The following KIAA1217 variants were observed in gnomAD, a reference collection of about 807,000 sequenced individuals.
KIAA1217 encodes sickle tail protein homolog.
KIAA1217 carries 88 observed loss-of-function variants against 163.9 expected under a neutral mutation model. The observed-to-expected ratio is 0.54, with a 90% CI of 0.45 to 0.64. The LOEUF is 0.64. Ranked by LOEUF, KIAA1217 falls within the 30% of genes least tolerant of loss-of-function variation. The pLI, the probability that KIAA1217 is intolerant of heterozygous loss-of-function variation, is 0.00. For missense variants in KIAA1217, 2,372 were observed against 2,475.0 expected, an observed-to-expected ratio of 0.96 and a Z score of 0.88; for synonymous variants, 903 against 923.1, an observed-to-expected ratio of 0.98 and a Z score of 0.39.
intron 1 of KIAA1217, among the ~76,000 whole-genome samples, chr10:23,851,061 G>A (rs1445362386): frequency 6.6e-6 from 1 of 152,106 alleles, no homozygotes; most frequent in Admixed American, 6.6e-5. Flanking sequence ...TGGGCACAAT[G>A]TGCAGGTTAG....
chr10:24,084,920 T>TC, intron 2 of KIAA1217, among the ~76,000 whole-genome samples: 2 of 148,378 alleles, frequency 1.3e-5, no homozygotes, highest in African/African-American at 5.0e-5. Flanking sequence ...CTTTTTTTTT[T>TC]TTTTTTTTTT....
intron 2 of KIAA1217, among the ~76,000 whole-genome samples, chr10:24,110,600 T>TAAAA: frequency 7.1e-6 from 1 of 140,390 alleles, no homozygotes; most frequent in African/African-American, 2.5e-5. Flanking sequence ...CTGTGGGCCT[T>TAAAA]AAAAAAAAAA....
chr10:24,207,360 C>T (rs1443141246), upstream of KIAA1217, among the ~76,000 whole-genome samples: 1 of 150,384 alleles, frequency 6.6e-6, no homozygotes, highest in African/African-American at 2.4e-5. Flanking sequence ...AGCATTAATA[C>T]TTTAAAGACA....
At chr10:23,954,407 A>G (rs1268562103) in intron 1 of KIAA1217, among the ~76,000 whole-genome samples, 1 of 152,032 alleles carries the variant, frequency 6.6e-6, no homozygotes, top group Non-Finnish European at 1.5e-5. Flanking sequence ...TCTACAGAAA[A>G]ATACAAAAAT....
rs1837926204 is a variant in KIAA1217 at position 23,722,507 on chromosome 10, T to C, written c.-321+27273T>C. ...TAGTGTCTTGTTAGAGAAAAAATCC[T>C]TGCCTTTATTTTATTTGTAAATTCA... On this transcript the variant is annotated intron_variant, in intron 1 of 18. Transcript: ENST00000376462. Among the ~76,000 whole-genome samples the C allele has an allele frequency of 3.3e-5, 5 of 152,244 alleles. 2 individuals carry two copies. The highest frequency in any genetic ancestry group is 4.1e-4 in the South Asian group (2 of 4,832).
intron 1 of KIAA1217, among the ~76,000 whole-genome samples, chr10:23,733,621 TG>T (rs11326724): frequency 0.22 from 33,052 of 151,912 alleles, 3,811 homozygotes; most frequent in Middle Eastern, 0.29. Context: ...TTTGTTGTTA[TG>T]TTTTTTTTTC....
At chr10:23,944,974 G>A (rs557278879) in intron 1 of KIAA1217, among the ~76,000 whole-genome samples, 5 of 151,344 alleles carry the variant, frequency 3.3e-5, no homozygotes, top group East Asian at 3.9e-4. Context: ...CAGGAGAATC[G>A]CTGGAACCTG....
intron 2 of KIAA1217, among the ~76,000 whole-genome samples, chr10:24,057,201 C>T (rs2060560605): frequency 6.6e-6 from 1 of 152,152 alleles, no homozygotes; most frequent in African/African-American, 2.4e-5. Flanking sequence ...GAACCATGAT[C>T]TTGCCACTGC....
intron 3 of KIAA1217, among the ~76,000 whole-genome samples, chr10:24,395,443 A>G (rs1430008595): frequency 6.6e-6 from 1 of 152,098 alleles, no homozygotes; most frequent in Non-Finnish European, 1.5e-5. Flanking sequence ...CCCCAGGGAC[A>G]CTCTGGCTCC....
intron 2 of KIAA1217, among the ~76,000 whole-genome samples, chr10:24,323,536 A>G (rs2044446821): frequency 6.6e-6 from 1 of 152,152 alleles, no homozygotes; most frequent in Non-Finnish European, 1.5e-5. Context: ...ATTGAATACA[A>G]TTCATTTTGA....
chr10:23,699,707 C>T (rs1836298181), intron 1 of KIAA1217, among the ~76,000 whole-genome samples: 1 of 152,168 alleles, frequency 6.6e-6, no homozygotes, highest in South Asian at 2.1e-4. Flanking sequence ...TCACTGCAGC[C>T]TCGAACTCTT....
rs1349486223 is a variant in KIAA1217 at position 24,189,079 on chromosome 10, C to T, written c.-170-30547C>T. Among the ~76,000 whole-genome samples the T allele has an allele frequency of 2.7e-5, 4 of 145,650 alleles. No homozygotes were observed. In the East Asian group the frequency reaches 8.0e-4, roughly 29 times the overall value. ...CAAGATCACGCCACTGCACTCCAGC[C>T]TGGGTGACAGAGCGAGACTCTGTCT... On this transcript the variant is annotated intron_variant, in intron 2 of 18. Transcript: ENST00000376462.
chr10:23,740,486 C>T (rs966708858), intron 1 of KIAA1217, among the ~76,000 whole-genome samples: 1 of 152,104 alleles, frequency 6.6e-6, no homozygotes, highest in Non-Finnish European at 1.5e-5. Flanking sequence ...AGCCTTACAA[C>T]TAGCTGGGAC....
At chr10:23,813,872 T>A (rs1428328787) in intron 1 of KIAA1217, among the ~76,000 whole-genome samples, 5 of 152,154 alleles carry the variant, frequency 3.3e-5, no homozygotes, top group Non-Finnish European at 7.4e-5. Flanking sequence ...TTATCAACAC[T>A]GTGTTATTTT....
intron 2 of KIAA1217, among the ~76,000 whole-genome samples, chr10:24,105,708 TGA>T (rs1420010161): frequency 6.6e-6 from 1 of 152,216 alleles, no homozygotes; most frequent in Non-Finnish European, 1.5e-5. Flanking sequence ...AAATCTTTAT[TGA>T]GTATCTACTA....
intron 1 of KIAA1217, among the ~76,000 whole-genome samples, chr10:23,961,140 T>C (rs1310250136): frequency 1.3e-5 from 2 of 152,200 alleles, no homozygotes; most frequent in African/African-American, 4.8e-5. Context: ...AAATGCAATT[T>C]CCATGAAATA....
At chr10:23,801,513 TCCCTGATC>T (rs1836466724) in intron 1 of KIAA1217, among the ~76,000 whole-genome samples, 2 of 152,238 alleles carry the variant, frequency 1.3e-5, no homozygotes, top group African/African-American at 4.8e-5. Context: ...AAATCAAAAC[TCCCTGATC>T]GTCTGATAGT....
chr10:24,409,286 G>A (rs1325681497), intron 3 of KIAA1217, among the ~76,000 whole-genome samples: 3 of 152,122 alleles, frequency 2.0e-5, no homozygotes, highest in Non-Finnish European at 4.4e-5. Flanking sequence ...ATCATTTAAT[G>A]TACTCTTGAG....
At chr10:23,977,542 A>G (rs1845590820) in intron 1 of KIAA1217, among the ~76,000 whole-genome samples, 1 of 152,196 alleles carries the variant, frequency 6.6e-6, no homozygotes, top group Non-Finnish European at 1.5e-5. Flanking sequence ...ACAAGAAAAA[A>G]GAAGGAATGA....
Sources: allele counts gnomAD v4.1 joint callset (sites outside exome capture counted in the v4.1 genomes callset), GRCh38; gene constraint gnomAD v4.1.1; transcripts MANE v1.5; gene names NCBI Gene and HGNC (gene_info 2026-07-23, HGNC 2026-07-21).